The following HP1BP3 variants were observed in gnomAD, a reference collection of about 807,000 sequenced individuals.
The protein encoded by HP1BP3 is heterochromatin protein 1 binding protein 3.
HP1BP3 carries 12 observed loss-of-function variants against 62.5 expected under a neutral mutation model. That is an observed-to-expected ratio of 0.19 (90% CI 0.12 to 0.31). HP1BP3 has a LOEUF of 0.31. Ranked by LOEUF, HP1BP3 falls within the 10% of genes least tolerant of loss-of-function variation. The pLI is 1.00. For missense variants in HP1BP3, 502 were observed against 651.8 expected (o/e 0.77, Z 2.50); for synonymous variants, 260 against 237.8 (o/e 1.09, Z -0.86).
chr1:20,780,369 C>T lies in HP1BP3; in HGVS notation c.72G>A (p.Leu24=). The T allele has an allele frequency of 6.2e-7, 1 of 1,613,562 alleles. No individual in the cohort carries two copies. Among genetic ancestry groups the T allele is most frequent in the Non-Finnish European group, 8.5e-7 (1 of 1,179,476 alleles). Residue 24 remains leucine (L), a synonymous_variant, in exon 2 of 13, where the codon CTG becomes CTA. Transcript: ENST00000438032. ...CCTCACCTAACTTGTCCGCGTGGAT[C>T]AGCTGAGCTCCTACTATAAGTGGGA... ...KALPLIVGAQ[L]IHADKLGEKV...
At chr1:20,765,904 G>A (rs1179139056) in intron 7 of HP1BP3, among the ~76,000 whole-genome samples, 1 of 151,006 alleles carries the variant, frequency 6.6e-6, no homozygotes, top group East Asian at 2.0e-4. Context: ...GGTGGAGATT[G>A]CAGTGATGCA....
chr1:20,762,570 G>C (rs904982685), intron 8 of HP1BP3, among the ~76,000 whole-genome samples: 1 of 152,080 alleles, frequency 6.6e-6, no homozygotes, highest in Non-Finnish European at 1.5e-5. Flanking sequence ...AGAACTTCAA[G>C]TCATTCATCT....
chr1:20,777,572 C>A (rs1166923189), intron 3 of HP1BP3, among the ~76,000 whole-genome samples: 1 of 152,084 alleles, frequency 6.6e-6, no homozygotes, highest in East Asian at 1.9e-4. Context: ...GATTCTCCTG[C>A]CTCAGCCTCC....
chr1:20,777,830 A>T (rs2057371677), intron 3 of HP1BP3, among the ~76,000 whole-genome samples: 1 of 152,252 alleles, frequency 6.6e-6, no homozygotes, highest in Admixed American at 6.5e-5. Context: ...CACTTATACT[A>T]AGCGAGTGAT....
intron 10 of HP1BP3, among the ~76,000 whole-genome samples, chr1:20,748,694 G>A (rs1248133350): frequency 3.9e-5 from 6 of 151,942 alleles, no homozygotes; most frequent in African/African-American, 9.7e-5. Flanking sequence ...CAGGGGAGGC[G>A]GAGCTTGCAG....
In HP1BP3 at chr1:20,740,790, C is replaced by A. The variant is rs1462719470; in HGVS notation, c.*4007G>T. On this transcript the variant is annotated 3_prime_UTR_variant, in exon 13 of 13. Coordinates refer to ENST00000438032, the MANE Select transcript of HP1BP3 (RefSeq NM_001372052.1). ...CCAAGATCACACCACTGCGCTGCAG[C>A]CTTAGTGACACAGCAAACTCCATCT... Among the ~76,000 whole-genome samples the A allele has an allele frequency of 1.3e-5, 2 of 152,194 alleles. No individual in the cohort carries two copies. Among genetic ancestry groups the A allele is most frequent in the Non-Finnish European group, 2.9e-5 (2 of 68,044 alleles).
chr1:20,781,404 A>T (rs891431468), intron 1 of HP1BP3, among the ~76,000 whole-genome samples: 2 of 152,240 alleles, frequency 1.3e-5, no homozygotes, highest in African/African-American at 2.4e-5. Context: ...TCAACTTGGC[A>T]AGTAACAGTC....
intron 6 of HP1BP3, among the ~76,000 whole-genome samples, chr1:20,769,314 T>A (rs951124570): frequency 6.6e-6 from 1 of 152,104 alleles, no homozygotes; most frequent in Non-Finnish European, 1.5e-5. Context: ...TCCCAGCACT[T>A]TGGGAGGCTG....
chr1:20,759,179 T>A (rs1312248804), intron 8 of HP1BP3, among the ~76,000 whole-genome samples: 4 of 152,210 alleles, frequency 2.6e-5, no homozygotes, highest in Non-Finnish European at 5.9e-5. Context: ...GGCCGGCAGA[T>A]CACCTGAGGT....
chr1:20,784,643 AT>A (rs2057735863), intron 1 of HP1BP3, among the ~76,000 whole-genome samples: 1 of 151,394 alleles, frequency 6.6e-6, no homozygotes, highest in Non-Finnish European at 1.5e-5. Flanking sequence ...CACCCAGCTA[AT>A]TTTTTGTATT....
chr1:20,782,882 A>G (rs1427674617), intron 1 of HP1BP3, among the ~76,000 whole-genome samples: 2 of 149,236 alleles, frequency 1.3e-5, no homozygotes, highest in Non-Finnish European at 3.0e-5. Flanking sequence ...CCTGGGCGAC[A>G]GAGCAAGACT....
At chr1:20,749,478 C>T (rs1335332175) in intron 10 of HP1BP3, among the ~76,000 whole-genome samples, 2 of 151,842 alleles carry the variant, frequency 1.3e-5, no homozygotes, top group Non-Finnish European at 2.9e-5. Context: ...CCTGCCTCAG[C>T]CTCCCGAGTA....
chr1:20,744,293 TGGAG>T lies in HP1BP3; in HGVS notation c.*500_*503del, dbSNP rs2055180351. On this transcript the variant is annotated 3_prime_UTR_variant, in exon 13 of 13. Transcript: ENST00000438032. ...TTTACAGTTGGAGAGAAAAGGTTAGTGGAGTGGCTTTTATAAATAAGATTAATTA... is the reference window on the plus strand; with the variant it reads ...TTTACAGTTGGAGAGAAAAGGTTAGTTGGCTTTTATAAATAAGATTAATTA... 1 of 153,030 alleles carries T rather than the reference TGGAG, an allele frequency of 6.5e-6. No individual in the cohort carries two copies. Among genetic ancestry groups the T allele is most frequent in the Non-Finnish European group, 1.5e-5 (1 of 68,410 alleles). 9.5% of individuals were successfully genotyped at this position (153,030 alleles called of 1,614,324 possible). A position where few individuals can be genotyped will look rare whatever the true frequency, so the allele number is the denominator to read the frequency against.
intron 3 of HP1BP3, among the ~76,000 whole-genome samples, chr1:20,778,782 C>T (rs1006346013): frequency 4.0e-5 from 6 of 151,734 alleles, no homozygotes; most frequent in Admixed American, 6.6e-5. Flanking sequence ...ATTTTCTACT[C>T]CTCTTTTTTT....
rs1170767923 is a variant in HP1BP3, at chr1:20,770,782, G to A, written c.654+148C>T. The A allele has an allele frequency of 6.6e-6, 4 of 602,036 alleles. No individual in the cohort carries two copies. In the South Asian group the frequency reaches 1.1e-4, roughly 17 times the overall value. 37.3% of individuals were successfully genotyped at this position (602,036 alleles called of 1,614,324 possible). On this transcript the variant is annotated intron_variant, in intron 6 of 12. Transcript: ENST00000438032. ...CCAGCATTTTCGAAACCTAGCCTCA[G>A]ATAATTCAACTAGGTTAAACTTAAG...
chr1:20,780,512 T>C lies in HP1BP3; in HGVS notation c.-72A>G, dbSNP rs1369424184. The C allele has an allele frequency of 1.8e-6, 2 of 1,101,718 alleles. No homozygotes were observed. Among genetic ancestry groups the C allele is most frequent in the Middle Eastern group, 1.9e-4 (1 of 5,148 alleles). The allele number at this position is 1,101,718 out of a possible 1,614,324, so 68.2% of individuals were successfully genotyped here. ...TGCTGTTAACCACAAGGATTTTTCC[T>C]AATGGTTTCAGTGTGGTGAAGAATC... On this transcript the variant is annotated 5_prime_UTR_variant, in exon 2 of 13. Coordinates refer to ENST00000438032, the MANE Select transcript of HP1BP3 (RefSeq NM_001372052.1).
Position 20,745,074 on chromosome 1 carries a change from G to T in HP1BP3, c.1385C>A (p.Pro462Gln), listed in dbSNP as rs779176681. Reference protein sequence around the residue: ...PPKRRLQKKTPAKSPGKAASV... With the variant: ...PPKRRLQKKTQAKSPGKAASV... ...TGCGGCCTTCCCTGGGGACTTGGCT[G>T]GGGTTTTCTTCTGCAACCTGTGAGA... Residue 462 changes from proline to glutamine, a missense_variant, in exon 13 of 13, where the codon CCA becomes CAA. Pro to Gln is a moderately conservative substitution (Grantham distance 76). Around this residue, in one of 5 missense-constraint regions of HP1BP3, gnomAD observed 194 missense variants for 207.0 expected, o/e 0.94. Coordinates refer to ENST00000438032, the MANE Select transcript of HP1BP3 (RefSeq NM_001372052.1). 3 of 1,608,888 alleles carry T rather than the reference G, an allele frequency of 1.9e-6. No individual in the cohort carries two copies. Among genetic ancestry groups the T allele is most frequent in the Admixed American group, 3.4e-5 (2 of 58,790 alleles).
At position 20,748,457 on chromosome 1, in the gene HP1BP3, T is replaced by C. The variant is rs568380283; in HGVS notation, c.1142-802A>G. Among the ~76,000 whole-genome samples the C allele has an allele frequency of 4.6e-5, 7 of 152,254 alleles. No individual in the cohort carries two copies. In the South Asian group the frequency reaches 6.2e-4, roughly 14 times the overall value. On this transcript the variant is annotated intron_variant, in intron 10 of 12. Transcript: ENST00000438032. ...ATCTTCTCTTAAAACATCTGGCATA[T>C]AGAAATAGGCCGGGCGTGGCGGCTC... is the stretch of plus-strand genomic sequence containing the variant.
intron 1 of HP1BP3, 115 bp downstream of exon 1, chr1:20,787,080 C>T (rs2057879057): frequency 6.6e-6 from 1 of 151,892 alleles, no homozygotes; most frequent in African/African-American, 2.4e-5. Context: ...GGGCGCCCCG[C>T]CCCCTCCTCT....
Sources: allele counts gnomAD v4.1 joint callset (sites outside exome capture counted in the v4.1 genomes callset), GRCh38; gene constraint gnomAD v4.1.1; regional missense constraint gnomAD v4.1.1; transcripts MANE v1.5; gene names NCBI Gene and HGNC (gene_info 2026-07-23, HGNC 2026-07-21).